Variants in GLI2 observed in about 807,000 individuals in gnomAD.
GLI2 encodes the protein GLI family zinc finger 2.
Under a neutral mutation model 78.9 loss-of-function variants are expected in GLI2, and 22 were observed. That is an observed-to-expected ratio of 0.28 (90% CI 0.20 to 0.40). GLI2 has a LOEUF of 0.40. Ranked by LOEUF, GLI2 falls within the 10% of genes least tolerant of loss-of-function variation. The probability of loss-of-function intolerance (pLI) is 1.00; values close to 1 mark genes in which losing one functional copy is unlikely to be tolerated. For synonymous variants in GLI2, 974 were observed against 963.7 expected (o/e 1.01, Z -0.20); for missense variants, 2,097 against 2,213.2 (o/e 0.95, Z 1.05).
At chr2:120,875,818 G>C (rs1172198890) in intron 2 of GLI2, among the ~76,000 whole-genome samples, 4 of 151,926 alleles carry the variant, frequency 2.6e-5, no homozygotes, top group African/African-American at 4.8e-5. Context: ...GAGGTGGGGG[G>C]GCTGGCCTAC....
At chr2:120,896,659 ACATACACCCAC>A (rs1277730007) in intron 2 of GLI2, among the ~76,000 whole-genome samples, 7 of 29,892 alleles carry the variant, frequency 2.3e-4, no homozygotes, top group African/African-American at 1.3e-3. Flanking sequence ...ACACACACAC[ACATACACCCAC>A]CCCCCCACAC....
intron 1 of GLI2, among the ~76,000 whole-genome samples, chr2:120,783,296 G>A (rs1683900493): frequency 6.6e-6 from 1 of 152,084 alleles, no homozygotes; most frequent in Non-Finnish European, 1.5e-5. Context: ...TCCCATATGG[G>A]CTGGGGACAT....
At chr2:120,932,469 C>T (rs1225888998) in intron 3 of GLI2, among the ~76,000 whole-genome samples, 1 of 152,162 alleles carries the variant, frequency 6.6e-6, no homozygotes, top group African/African-American at 2.4e-5. Flanking sequence ...TTCTGCCCTG[C>T]CCTCTGCCCC....
intron 3 of GLI2, among the ~76,000 whole-genome samples, chr2:120,940,450 C>G (rs1001236451): frequency 3.3e-5 from 5 of 152,202 alleles, no homozygotes; most frequent in African/African-American, 9.7e-5. Flanking sequence ...CTCACCACCT[C>G]CATTCCATTC....
chr2:120,870,751 G>T (rs1688385555), intron 2 of GLI2, among the ~76,000 whole-genome samples: 1 of 152,114 alleles, frequency 6.6e-6, no homozygotes, highest in African/African-American at 2.4e-5. Flanking sequence ...TCATAGGTGT[G>T]TGATTTTCCA....
In GLI2 at chr2:120,988,657, AC is replaced by A; in HGVS notation, c.2694del (p.Arg899GlyfsTer78). 7.1e-7 allele frequency: 1 copy of A among 1,411,176 alleles called. No homozygotes were observed. The highest frequency in any genetic ancestry group is 3.4e-5 in the East Asian group (1 of 29,756). 87.4% of individuals were successfully genotyped at this position (1,411,176 alleles called of 1,614,324 possible). On this transcript the variant is annotated frameshift_variant, in exon 14 of 14. Coordinates refer to ENST00000361492, the MANE Select transcript of GLI2 (RefSeq NM_001374353.1). LOFTEE classifies it low-confidence loss of function (END_TRUNC). ...GGGCCTGGAGCGCATGAGCCTGCGG[AC>A]CAGGCTGGCGCTGCTGGACGCGCCC... ...LPGLERMSLR[T>X]RLALLDAPER...
chr2:120,976,176 G>A (rs376285565), intron 9 of GLI2, among the ~76,000 whole-genome samples: 126 of 152,224 alleles, frequency 8.3e-4, no homozygotes, highest in South Asian at 6.0e-3. Flanking sequence ...AGACACACAC[G>A]CACGTGCACA....
At chr2:120,981,471 C>T (rs1682715785) in intron 10 of GLI2, among the ~76,000 whole-genome samples, 1 of 152,176 alleles carries the variant, frequency 6.6e-6, no homozygotes, top group African/African-American at 2.4e-5. Context: ...ATTTGTCCTC[C>T]TTTTGCAAGA....
intron 2 of GLI2, among the ~76,000 whole-genome samples, chr2:120,926,797 A>T (rs1679699076): frequency 6.6e-6 from 1 of 152,230 alleles, no homozygotes; most frequent in South Asian, 2.1e-4. Context: ...TAAGAGCTGG[A>T]GAACTAACAG....
At chr2:120,894,403 G>A (rs745816610) in intron 2 of GLI2, among the ~76,000 whole-genome samples, 4 of 152,206 alleles carry the variant, frequency 2.6e-5, no homozygotes, top group Non-Finnish European at 2.9e-5. Context: ...TTTCAGCTAC[G>A]CCTCTGGGGG....
intron 3 of GLI2, among the ~76,000 whole-genome samples, chr2:120,932,399 TCCAGGGAGGGCGCAC>T (rs1679988428): frequency 1.3e-5 from 2 of 151,918 alleles, no homozygotes; most frequent in African/African-American, 4.8e-5. Flanking sequence ...TCCTGATAGC[TCCAGGGAGGGCGCAC>T]CCAGTGTGTG....
At chr2:120,806,214 T>C (rs562050023) in intron 2 of GLI2, among the ~76,000 whole-genome samples, 33 of 152,282 alleles carry the variant, frequency 2.2e-4, no homozygotes, top group African/African-American at 7.9e-4. Context: ...CCTCTGATCT[T>C]GGGACCATTT....
intron 2 of GLI2, among the ~76,000 whole-genome samples, chr2:120,805,739 G>T (rs1278332284): frequency 6.6e-6 from 1 of 152,202 alleles, no homozygotes; most frequent in Non-Finnish European, 1.5e-5. Context: ...CTTCCCAAGT[G>T]ACTGTGTTTA....
chr2:120,838,850 C>T (rs948101935), intron 2 of GLI2, among the ~76,000 whole-genome samples: 1 of 152,304 alleles, frequency 6.6e-6, no homozygotes, highest in Non-Finnish European at 1.5e-5. Context: ...TCAATAGGTT[C>T]CAGGAAGAAC....
intron 3 of GLI2, among the ~76,000 whole-genome samples, chr2:120,943,948 C>T (rs1176780893): frequency 1.3e-5 from 2 of 152,176 alleles, no homozygotes; most frequent in Non-Finnish European, 2.9e-5. Context: ...TGCCCCCACA[C>T]CTTGGCTCAG....
rs913035274 is a variant in GLI2, at chr2:120,800,542, G to A, written c.148+3074G>A. On this transcript the variant is annotated intron_variant, in intron 2 of 13. Transcript: ENST00000361492. The surrounding 1 kb of genome is among the most constrained non-coding windows in gnomAD (Gnocchi z 4.1). Reference sequence around the variant, plus strand: ...ATTTTTTTGAGACAGTCTTCACTTTGTCACACAGGCTGGAGTGCAGTGGCA... The same window carrying A: ...ATTTTTTTGAGACAGTCTTCACTTTATCACACAGGCTGGAGTGCAGTGGCA... 6.6e-6 allele frequency among the ~76,000 whole-genome samples: 1 copy of A among 151,392 alleles called. No individual in the cohort carries two copies. The highest frequency in any genetic ancestry group is 1.5e-5 in the Non-Finnish European group (1 of 67,880).
rs1237950544 is a variant in GLI2, at chr2:120,800,609, C to T, written c.148+3141C>T. ...CCAGCTCCGCCTCCCAGGTTCACGC[C>T]ATTCTCCTGCCTCAGCCTCCCAGTA... is the stretch of plus-strand genomic sequence containing the variant. On this transcript the variant is annotated intron_variant, in intron 2 of 13. Transcript: ENST00000361492. The surrounding 1 kb of genome is among the most constrained non-coding windows in gnomAD (Gnocchi z 4.1). Among the ~76,000 whole-genome samples, 1 of 130,954 alleles carries T rather than the reference C, an allele frequency of 7.6e-6. No individual in the cohort carries two copies. The highest frequency in any genetic ancestry group is 1.7e-5 in the Non-Finnish European group (1 of 58,604). The allele number at this position is 130,954 out of a possible 152,430, so 85.9% of individuals were successfully genotyped here.
intron 2 of GLI2, among the ~76,000 whole-genome samples, chr2:120,828,619 C>T (rs781594316): frequency 3.3e-5 from 5 of 152,136 alleles, no homozygotes; most frequent in South Asian, 2.1e-4. Context: ...TGCCCTGCCC[C>T]GTTTCTCCTC....
intron 2 of GLI2, among the ~76,000 whole-genome samples, chr2:120,902,393 G>A (rs903332200): frequency 6.6e-6 from 1 of 152,146 alleles, no homozygotes; most frequent in Admixed American, 6.6e-5. Flanking sequence ...GCCAAGGGCT[G>A]TATCTTTGCA....
Sources: gnomAD v4.1 joint callset for allele counts (sites outside exome capture counted in the v4.1 genomes callset) on GRCh38, gnomAD v4.1.1 for gene constraint, Gnocchi (gnomAD v3.1) non-coding constraint, MANE v1.5 for transcripts, NCBI Gene and HGNC (gene_info 2026-07-23, HGNC 2026-07-21) for gene names.